Variants in MINPP1 observed in about 807,000 individuals in gnomAD.
The protein encoded by MINPP1 is multiple inositol polyphosphate phosphatase 1.
Under a neutral mutation model 46.1 loss-of-function variants are expected in MINPP1, and 28 were observed. That is an observed-to-expected ratio of 0.61 (90% CI 0.45 to 0.83). The LOEUF is 0.83. Ranked by LOEUF, MINPP1 falls within the 40% of genes least tolerant of loss-of-function variation. The probability of loss-of-function intolerance (pLI) is 0.00; values close to 1 mark genes in which losing one functional copy is unlikely to be tolerated. For missense variants in MINPP1, 603 were observed against 610.0 expected (o/e 0.99, Z 0.12); for synonymous variants, 268 against 249.1 (o/e 1.08, Z -0.72).
chr10:87,534,080 T>G (rs189465393), intron 4 of MINPP1, among the ~76,000 whole-genome samples: 1 of 128,550 alleles, frequency 7.8e-6, no homozygotes, highest in Non-Finnish European at 1.6e-5. Context: ...GGAGACAGAG[T>G]CTCGCTCTAT....
At chr10:87,543,733 G>C (rs1033736465) in intron 4 of MINPP1, among the ~76,000 whole-genome samples, 3 of 152,202 alleles carry the variant, frequency 2.0e-5, no homozygotes, top group Non-Finnish European at 4.4e-5. Context: ...AGAAAACAAA[G>C]TTAGTTTTAT....
chr10:87,541,159 T>C (rs1202658059), intron 4 of MINPP1, among the ~76,000 whole-genome samples: 2 of 152,234 alleles, frequency 1.3e-5, no homozygotes, highest in Non-Finnish European at 2.9e-5. Flanking sequence ...GTAATCCTTA[T>C]AAATGGGCAA....
chr10:87,515,452 A>C (rs1342665663), intron 3 of MINPP1, among the ~76,000 whole-genome samples: 1 of 152,234 alleles, frequency 6.6e-6, no homozygotes, highest in Non-Finnish European at 1.5e-5. Flanking sequence ...TGAAAATTTA[A>C]ATACATGTTT....
intron 4 of MINPP1, among the ~76,000 whole-genome samples, chr10:87,525,965 T>C (rs1851570774): frequency 6.6e-6 from 1 of 152,254 alleles, no homozygotes; most frequent in African/African-American, 2.4e-5. Context: ...TTGATGGACA[T>C]GTGGGTTGGT....
intron 4 of MINPP1, among the ~76,000 whole-genome samples, chr10:87,523,194 A>G (rs1177456904): frequency 6.6e-6 from 1 of 152,136 alleles, no homozygotes; most frequent in Non-Finnish European, 1.5e-5. Context: ...CCTCCCATGA[A>G]TTACAAATAT....
At chr10:87,529,877 A>G in intron 4 of MINPP1, among the ~76,000 whole-genome samples, 1 of 152,176 alleles carries the variant, frequency 6.6e-6, no homozygotes, top group Middle Eastern at 3.2e-3. Context: ...ACATAGTCCC[A>G]TATTTCTTGG....
intron 4 of MINPP1, among the ~76,000 whole-genome samples, chr10:87,540,731 C>G (rs1851804354): frequency 6.6e-6 from 1 of 152,138 alleles, no homozygotes; most frequent in Non-Finnish European, 1.5e-5. Flanking sequence ...TGGGCATATA[C>G]TAACTGGAGT....
rs1001533025 is a variant in MINPP1 at position 87,549,192 on chromosome 10, C to G, written c.1068-2890C>G. On this transcript the variant is annotated intron_variant, in intron 4 of 4. Coordinates refer to ENST00000371996, the MANE Select transcript of MINPP1 (RefSeq NM_004897.5). ...GTGTTTACTGCCTTTTGTATAAACC[C>G]AAGGAACCTTGAAATTTACAACTTA... Among the ~76,000 whole-genome samples the G allele has an allele frequency of 2.6e-5, 4 of 152,256 alleles. No homozygotes were observed. The East Asian group carries it at 7.7e-4, about 29-fold the overall frequency.
At chr10:87,507,760 TG>T in intron 1 of MINPP1, 1 of 840,058 alleles carries the variant, frequency 1.2e-6, no homozygotes, top group Non-Finnish European at 1.4e-6. Flanking sequence ...GAAAGTTATC[TG>T]GGGCTTCAGT....
intron 2 of MINPP1, 135 bp from the exon 3 acceptor site, chr10:87,512,989 C>G: frequency 2.8e-6 from 2 of 710,288 alleles, no homozygotes; most frequent in Non-Finnish European, 5.1e-6. Context: ...CAGGAAGAAA[C>G]TAAATTATTT....
At position 87,504,993 on chromosome 10, in the gene MINPP1, G is replaced by C. The variant is rs1282907291; in HGVS notation, c.78G>C (p.Ser26=). The change falls in exon 1 of 5, where the codon TCG becomes TCC. Residue 26 remains serine (S), a synonymous_variant. Coordinates refer to ENST00000371996, the MANE Select transcript of MINPP1 (RefSeq NM_004897.5). Reference sequence around the variant, plus strand: ...CCCTGGCTGCGGCGCTGCTCTCGTCGCTTGCGCGCTGCTCTCTTCTAGAGC... The same window carrying C: ...CCCTGGCTGCGGCGCTGCTCTCGTCCCTTGCGCGCTGCTCTCTTCTAGAGC... ...AAALAAALLS[S]LARCSLLEPR... The C allele has an allele frequency of 1.2e-6, 2 of 1,612,512 alleles. No homozygotes were observed. Among genetic ancestry groups the C allele is most frequent in the Non-Finnish European group, 1.7e-6 (2 of 1,179,768 alleles).
chr10:87,552,407 A>T lies in MINPP1; in HGVS notation c.1393A>T (p.Ile465Phe), dbSNP rs772077743. 6 of 1,613,458 alleles carry T rather than the reference A, an allele frequency of 3.7e-6. No homozygotes were observed. The highest frequency in any genetic ancestry group is 5.1e-6 in the Non-Finnish European group (6 of 1,179,672). The change falls in exon 5 of 5, where the codon ATC becomes TTC. Residue 465 changes from isoleucine (I) to phenylalanine (F), a missense_variant. This residue lies in a region of MINPP1 where 344 missense variants were observed against 381.1 expected (regional missense o/e 0.90). Transcript: ENST00000371996. ...YEDLKNHYKDILQSCQTSEEC... is the reference protein window; with the variant it reads ...YEDLKNHYKDFLQSCQTSEEC... The stretch of plus-strand genomic sequence containing the variant: ...AGATCTGAAGAACCACTACAAGGAC[A>T]TCCTTCAGAGTTGTCAAACCAGTGA...
intron 4 of MINPP1, among the ~76,000 whole-genome samples, chr10:87,548,851 A>G (rs539371277): frequency 6.6e-6 from 1 of 152,220 alleles, no homozygotes. Context: ...AAATTTGTAT[A>G]ATAGACATTG....
At chr10:87,515,367 A>C (rs1326738825) in intron 3 of MINPP1, among the ~76,000 whole-genome samples, 2 of 152,102 alleles carry the variant, frequency 1.3e-5, no homozygotes. Flanking sequence ...AGCCTGGGCA[A>C]CAAAGCAAGA....
intron 2 of MINPP1, 63 bp downstream of exon 2, chr10:87,508,596 G>C: frequency 6.9e-7 from 1 of 1,454,698 alleles, no homozygotes; most frequent in Non-Finnish European, 9.6e-7. Context: ...CTGTGAAAAT[G>C]AAAACATAAG....
intron 4 of MINPP1, among the ~76,000 whole-genome samples, chr10:87,525,041 G>A (rs908210917): frequency 2.6e-5 from 4 of 152,058 alleles, no homozygotes; most frequent in Non-Finnish European, 5.9e-5. Flanking sequence ...TACACAGATG[G>A]CCTTGCTTAA....
intron 1 of MINPP1, among the ~76,000 whole-genome samples, chr10:87,507,171 C>T (rs1010550836): frequency 1.2e-4 from 19 of 152,148 alleles, no homozygotes; most frequent in African/African-American, 4.6e-4. Flanking sequence ...ATAGCAAACC[C>T]TTTGCCTAGC....
In MINPP1 at chr10:87,508,141, A is replaced by G. The variant is rs1037137045; in HGVS notation, c.638-195A>G. 7.5e-5 allele frequency: 115 copies of G among 1,533,784 alleles called. 1 individual carries two copies. The Middle Eastern group carries it at 1.1e-3, about 15-fold the overall frequency. The stretch of plus-strand genomic sequence containing the variant: ...TCTATTTCTTTAGCCTTTTCTAGCT[A>G]TTCTCATGCGTTACAGCCATTATAA... On this transcript the variant is annotated intron_variant, in intron 1 of 4. Coordinates refer to ENST00000371996, the MANE Select transcript of MINPP1 (RefSeq NM_004897.5).
chr10:87,534,281 C>T (rs1851702930), intron 4 of MINPP1, among the ~76,000 whole-genome samples: 1 of 152,054 alleles, frequency 6.6e-6, no homozygotes, highest in African/African-American at 2.4e-5. Context: ...TCTTGAACTC[C>T]TAACCTCAGG....
Sources: allele counts gnomAD v4.1 joint callset (sites outside exome capture counted in the v4.1 genomes callset), GRCh38; gene constraint gnomAD v4.1.1; regional missense constraint gnomAD v4.1.1; transcripts MANE v1.5; gene names NCBI Gene and HGNC (gene_info 2026-07-23, HGNC 2026-07-21).